ADGRL3: variants seen among roughly 807,000 people sequenced by gnomAD.
ADGRL3 encodes the protein calcium-independent alpha-latrotoxin receptor 3.
ADGRL3 carries 62 observed loss-of-function variants against 153.5 expected under a neutral mutation model. The ratio of observed to expected loss-of-function variants is 0.40; its 90% CI spans 0.33 to 0.50. The LOEUF (loss-of-function observed/expected upper bound fraction) is 0.50, where lower values mean the gene tolerates loss of function less well. Ranked by LOEUF, ADGRL3 falls within the 20% of genes least tolerant of loss-of-function variation. The pLI, the probability that ADGRL3 is intolerant of heterozygous loss-of-function variation, is 0.47. For synonymous variants in ADGRL3, 710 were observed against 672.5 expected (o/e 1.06, Z -0.86); for missense variants, 1,641 against 1,859.4 (o/e 0.88, Z 2.16).
chr4:61,753,244 AAC>A (rs1438569112), intron 8 of ADGRL3, among the ~76,000 whole-genome samples: 2 of 151,326 alleles, frequency 1.3e-5, no homozygotes, highest in African/African-American at 4.9e-5. Context: ...AAAAAAAAAA[AAC>A]AAAGATGAAA....
intron 9 of ADGRL3, among the ~76,000 whole-genome samples, chr4:61,871,328 T>C (rs938510624): frequency 2.0e-5 from 3 of 151,872 alleles, no homozygotes; most frequent in Admixed American, 6.6e-5. Context: ...ATGTTAGTTA[T>C]AATAGATAAA....
chr4:61,454,796 G>A lies in ADGRL3; in HGVS notation c.-173-42325G>A, dbSNP rs1054219697. On this transcript the variant is annotated intron_variant, in intron 2 of 26. Coordinates refer to ENST00000683033, the MANE Select transcript of ADGRL3 (RefSeq NM_001387552.1). The stretch of plus-strand genomic sequence containing the variant: ...AAAAAGTAGACACTCATACAAATAT[G>A]TGGTTGAATAGAATGGAAGATAGAT... Among the ~76,000 whole-genome samples the A allele has an allele frequency of 5.3e-5, 8 of 152,114 alleles. No individual in the cohort carries two copies. The South Asian group carries it at 8.3e-4, about 16-fold the overall frequency.
At chr4:61,430,733 C>T (rs1251206757) in intron 2 of ADGRL3, among the ~76,000 whole-genome samples, 2 of 152,096 alleles carry the variant, frequency 1.3e-5, no homozygotes, top group African/African-American at 4.8e-5. Flanking sequence ...TTTCTCATTG[C>T]CCCTTATATA....
chr4:61,868,022 T>C (rs77501432), intron 9 of ADGRL3, among the ~76,000 whole-genome samples: 1,803 of 152,294 alleles, frequency 0.012, 21 homozygotes, highest in Non-Finnish European at 0.02. Flanking sequence ...TATCCTGTTT[T>C]AATATTAGTT....
intron 2 of ADGRL3, among the ~76,000 whole-genome samples, chr4:61,461,545 A>G (rs999036255): frequency 3.3e-5 from 5 of 152,184 alleles, no homozygotes; most frequent in Non-Finnish European, 7.3e-5. Context: ...TCATATAAAC[A>G]AATATTCTTA....
intron 9 of ADGRL3, among the ~76,000 whole-genome samples, chr4:61,844,033 A>G (rs1581103946): frequency 6.6e-6 from 1 of 151,688 alleles, no homozygotes; most frequent in Admixed American, 6.6e-5. Flanking sequence ...AAAAAAAAAA[A>G]AAATCAACAG....
chr4:61,474,735 G>A (rs1180246500), intron 2 of ADGRL3, among the ~76,000 whole-genome samples: 6 of 151,980 alleles, frequency 3.9e-5, no homozygotes, highest in African/African-American at 1.2e-4. Context: ...AGAAGAAAAG[G>A]CACATATATC....
chr4:61,885,560 A>C (rs946983397), intron 9 of ADGRL3, among the ~76,000 whole-genome samples: 3 of 152,210 alleles, frequency 2.0e-5, no homozygotes, highest in East Asian at 3.9e-4. Context: ...CCGGGCCCAT[A>C]ATAAGTGCTC....
intron 1 of ADGRL3, among the ~76,000 whole-genome samples, chr4:61,375,480 CAT>C (rs2096592606): frequency 6.6e-6 from 1 of 152,066 alleles, no homozygotes; most frequent in African/African-American, 2.4e-5. Context: ...TCATATGAAT[CAT>C]CAAGTGTACT....
At chr4:61,372,396 A>G (rs1382486769) in intron 1 of ADGRL3, among the ~76,000 whole-genome samples, 1 of 151,842 alleles carries the variant, frequency 6.6e-6, no homozygotes, top group Non-Finnish European at 1.5e-5. Context: ...GGTGATGTAC[A>G]GATGGGTTTT....
At chr4:61,649,078 T>C (rs2094151301) in intron 5 of ADGRL3, among the ~76,000 whole-genome samples, 1 of 151,982 alleles carries the variant, frequency 6.6e-6, no homozygotes, top group Admixed American at 6.6e-5. Flanking sequence ...ATATTTACTA[T>C]ATATAAGAAA....
intron 2 of ADGRL3, among the ~76,000 whole-genome samples, chr4:61,410,494 A>C (rs184428838): frequency 3.9e-5 from 6 of 152,306 alleles, no homozygotes; most frequent in Non-Finnish European, 8.8e-5. Context: ...GATCAAAATT[A>C]AGAAATCAAC....
chr4:61,874,369 A>C (rs1163924891), intron 9 of ADGRL3, among the ~76,000 whole-genome samples: 1 of 152,162 alleles, frequency 6.6e-6, no homozygotes, highest in East Asian at 1.9e-4. Flanking sequence ...AGCCATATGG[A>C]AAATCTGCTT....
At chr4:61,434,565 C>T (rs2097420710) in intron 2 of ADGRL3, among the ~76,000 whole-genome samples, 1 of 151,994 alleles carries the variant, frequency 6.6e-6, no homozygotes, top group African/African-American at 2.4e-5. Flanking sequence ...TGGACACACA[C>T]AGAATGGTTT....
chr4:61,782,095 A>G, intron 8 of ADGRL3, among the ~76,000 whole-genome samples: 1 of 152,192 alleles, frequency 6.6e-6, no homozygotes, highest in East Asian at 1.9e-4. Context: ...ATTACTTGAA[A>G]TGGGATGAGG....
intron 8 of ADGRL3, among the ~76,000 whole-genome samples, chr4:61,746,415 C>T (rs2096662253): frequency 6.6e-6 from 1 of 152,084 alleles, no homozygotes; most frequent in African/African-American, 2.4e-5. Context: ...TTTTTTTCAG[C>T]ACAAAACCAC....
intron 3 of ADGRL3, among the ~76,000 whole-genome samples, chr4:61,512,493 T>A (rs958608024): frequency 3.9e-5 from 6 of 152,116 alleles, no homozygotes; most frequent in Non-Finnish European, 7.4e-5. Flanking sequence ...TGATTTAAAT[T>A]ATAAATAAAC....
At chr4:61,999,935 ATTG>A (rs1437284607) in intron 21 of ADGRL3, among the ~76,000 whole-genome samples, 2 of 152,130 alleles carry the variant, frequency 1.3e-5, no homozygotes, top group African/African-American at 2.4e-5. Context: ...TAGTCATTGT[ATTG>A]TTTAATTATG....
chr4:61,286,331 T>G (rs2093941895), intron 1 of ADGRL3, among the ~76,000 whole-genome samples: 1 of 149,752 alleles, frequency 6.7e-6, no homozygotes, highest in East Asian at 2.0e-4. Flanking sequence ...AATTTTAGAG[T>G]ATGGAGTCAC....
Sources: allele counts gnomAD v4.1 joint callset (sites outside exome capture counted in the v4.1 genomes callset), GRCh38; gene constraint gnomAD v4.1.1; transcripts MANE v1.5; gene names NCBI Gene and HGNC (gene_info 2026-07-23, HGNC 2026-07-21).